The following GRIP1 variants were observed in gnomAD, a reference collection of about 807,000 sequenced individuals.
GRIP1 encodes the protein glutamate receptor interacting protein 1.
A neutral mutation model predicts 129.9 loss-of-function variants in GRIP1; 45 were observed. That is an observed-to-expected ratio of 0.35 (90% CI 0.27 to 0.44). The LOEUF (loss-of-function observed/expected upper bound fraction) is 0.44, where lower values mean the gene tolerates loss of function less well. GRIP1 is among the 20% of genes least tolerant of loss of function. GRIP1 has a pLI of 1.00. For synonymous variants in GRIP1, 530 were observed against 520.8 expected (o/e 1.02, Z -0.24); for missense variants, 1,196 against 1,396.8 (o/e 0.86, Z 2.29).
chr12:66,666,096 C>T (rs2033780303), intron 1 of GRIP1, among the ~76,000 whole-genome samples: 2 of 152,134 alleles, frequency 1.3e-5, no homozygotes, highest in South Asian at 4.1e-4. Flanking sequence ...TATCTTTATA[C>T]TGTAAAAACT....
chr12:66,851,046 T>C (rs2039902625), intron 1 of GRIP1, among the ~76,000 whole-genome samples: 1 of 151,132 alleles, frequency 6.6e-6, no homozygotes, highest in Admixed American at 6.6e-5. Context: ...TTGAGGTAAA[T>C]ACTCAGCAAA....
intron 1 of GRIP1, among the ~76,000 whole-genome samples, chr12:66,756,798 T>C (rs566565243): frequency 2.7e-4 from 41 of 152,292 alleles, no homozygotes; most frequent in African/African-American, 9.1e-4. Context: ...AATCAAGAAC[T>C]TGTCTGAGAC....
chr12:66,965,659 G>C (rs1329946075), intron 1 of GRIP1, among the ~76,000 whole-genome samples: 1 of 150,080 alleles, frequency 6.7e-6, no homozygotes, highest in Non-Finnish European at 1.5e-5. Context: ...ATCCACACAA[G>C]CCACTCCATG....
At position 66,371,827 on chromosome 12, in the gene GRIP1, G is replaced by C. The variant is rs371002374; in HGVS notation, c.2879C>G (p.Ser960Trp). 2 of 1,613,602 alleles carry C rather than the reference G, an allele frequency of 1.2e-6. No individual in the cohort carries two copies. Among genetic ancestry groups the C allele is most frequent in the East Asian group, 2.2e-5 (1 of 44,882 alleles). The change falls in exon 23 of 25, where the codon TCG becomes TGG. Residue 960 changes from serine (S) to tryptophan (W), a missense_variant. Transcript: ENST00000359742. ...RQASFQERSS[S>W]RPHYSQTTRS... ...AGTTGTTTGGCTGTAGTGCGGCCGCGAGCTGCTGCGCTCCTGGAAGCTGGC... is the reference window on the plus strand; with the variant it reads ...AGTTGTTTGGCTGTAGTGCGGCCGCCAGCTGCTGCGCTCCTGGAAGCTGGC...
chr12:66,891,463 T>C (rs2040656755), intron 1 of GRIP1, among the ~76,000 whole-genome samples: 1 of 152,112 alleles, frequency 6.6e-6, no homozygotes, highest in Non-Finnish European at 1.5e-5. Context: ...CAAGAAAGGA[T>C]TTCTCTCCCA....
intron 1 of GRIP1, among the ~76,000 whole-genome samples, chr12:66,811,771 T>C (rs2039109451): frequency 6.6e-6 from 1 of 152,196 alleles, no homozygotes; most frequent in Non-Finnish European, 1.5e-5. Flanking sequence ...TGGTTGGTTT[T>C]TACCCAAGTA....
chr12:66,768,776 C>A (rs1294329061), intron 1 of GRIP1, among the ~76,000 whole-genome samples: 1 of 152,162 alleles, frequency 6.6e-6, no homozygotes, highest in Non-Finnish European at 1.5e-5. Flanking sequence ...TAGTTTTTCA[C>A]ATAACAGGGT....
chr12:66,604,394 A>G (rs556259452), intron 1 of GRIP1, among the ~76,000 whole-genome samples: 5 of 152,294 alleles, frequency 3.3e-5, no homozygotes, highest in African/African-American at 4.8e-5. Flanking sequence ...TCTTCCTAAT[A>G]TTGTTTCCAG....
intron 1 of GRIP1, among the ~76,000 whole-genome samples, chr12:66,914,954 G>A (rs1233217097): frequency 6.6e-6 from 1 of 152,064 alleles, no homozygotes; most frequent in Non-Finnish European, 1.5e-5. Flanking sequence ...GAGTGACCCC[G>A]CCTCCCCTCG....
At chr12:66,465,448 CA>C (rs2059261197) in intron 7 of GRIP1, 26 bp from the exon 8 acceptor site, 2 of 1,595,594 alleles carry the variant, frequency 1.3e-6, no homozygotes, top group Non-Finnish European at 1.7e-6. Context: ...TTTTAGAAAA[CA>C]AAACAAATAA....
intron 1 of GRIP1, among the ~76,000 whole-genome samples, chr12:66,779,420 C>T (rs916850708): frequency 1.3e-5 from 2 of 152,100 alleles, no homozygotes; most frequent in African/African-American, 2.4e-5. Context: ...CACTTTACTG[C>T]ATTTTATGGG....
At chr12:66,898,273 A>AT (rs1175066728) in intron 1 of GRIP1, among the ~76,000 whole-genome samples, 4 of 152,028 alleles carry the variant, frequency 2.6e-5, no homozygotes, top group Admixed American at 6.5e-5. Context: ...AGCTTATGGC[A>AT]TTTTTTTCTT....
At chr12:66,706,826 T>C (rs546259004) in intron 1 of GRIP1, among the ~76,000 whole-genome samples, 97 of 151,858 alleles carry the variant, frequency 6.4e-4, no homozygotes, top group African/African-American at 2.3e-3. Context: ...TGAGAACACA[T>C]GGACACAGAG....
At chr12:66,953,420 C>T (rs986957569) in intron 1 of GRIP1, among the ~76,000 whole-genome samples, 5 of 152,250 alleles carry the variant, frequency 3.3e-5, no homozygotes, top group Admixed American at 3.3e-4. Flanking sequence ...CTCACTTGAT[C>T]CTGGCAGCAA....
At chr12:66,511,370 C>G (rs112121642) in intron 7 of GRIP1, among the ~76,000 whole-genome samples, 46 of 152,190 alleles carry the variant, frequency 3.0e-4, no homozygotes, top group Admixed American at 5.2e-4. Context: ...ATACCAAGCA[C>G]TAGTGAGGAT....
In GRIP1 at chr12:66,931,318, A is replaced by C. The variant is rs58145780; in HGVS notation, c.58+137732T>G. On this transcript the variant is annotated intron_variant, in intron 1 of 1. Coordinates refer to the GRIP1 transcript ENST00000643019. Reference sequence around the variant, plus strand: ...AGAGGGACAACCATCAATGCCAATGATCTCATCAAGGAAAAAGAATGAACA... The same window carrying C: ...AGAGGGACAACCATCAATGCCAATGCTCTCATCAAGGAAAAAGAATGAACA... 3.9e-3 allele frequency among the ~76,000 whole-genome samples: 595 copies of C among 152,314 alleles called. 4 individuals are homozygous for C. The highest frequency in any genetic ancestry group is 0.013 in the African/African-American group (551 of 41,560).
upstream of GRIP1, among the ~76,000 whole-genome samples, chr12:66,805,759 T>C (rs2038977426): frequency 6.6e-6 from 1 of 152,178 alleles, no homozygotes; most frequent in Non-Finnish European, 1.5e-5. Context: ...AAGGCAAATA[T>C]TCATCAGCCA....
rs190682572 is a variant in GRIP1 at position 66,663,985 on chromosome 12, A to G, written c.55+14865T>C. Among the ~76,000 whole-genome samples the G allele has an allele frequency of 2.7e-3, 417 of 152,312 alleles. 1 individual carries two copies. Among genetic ancestry groups the G allele is most frequent in the Non-Finnish European group, 4.4e-3 (302 of 68,024 alleles). ...TTAGCGCTACTTGAAGAAAGGTCCT[A>G]TCACCAAATAAATTGGGAAAATACT... On this transcript the variant is annotated intron_variant, in intron 1 of 24. Coordinates refer to ENST00000359742, the MANE Select transcript of GRIP1 (RefSeq NM_001366722.1).
chr12:67,023,130 T>C (rs548592491), intron 1 of GRIP1, among the ~76,000 whole-genome samples: 2 of 152,322 alleles, frequency 1.3e-5, no homozygotes, highest in East Asian at 3.9e-4. Flanking sequence ...ATTTTTAGTG[T>C]TGAGAAAGTC....
Sources: allele counts gnomAD v4.1 joint callset (sites outside exome capture counted in the v4.1 genomes callset), GRCh38; gene constraint gnomAD v4.1.1; transcripts MANE v1.5; gene names NCBI Gene and HGNC (gene_info 2026-07-23, HGNC 2026-07-21).